DNAJC6: variants seen among roughly 807,000 people sequenced by gnomAD.
DNAJC6 encodes DnaJ heat shock protein family (Hsp40) member C6.
A neutral mutation model predicts 110.0 loss-of-function variants in DNAJC6; 34 were observed. That is an observed-to-expected ratio of 0.31 (90% CI 0.24 to 0.41). The LOEUF is 0.41. Ranked by LOEUF, DNAJC6 falls within the 10% of genes least tolerant of loss-of-function variation. The pLI is 1.00. For synonymous variants in DNAJC6, 406 were observed against 437.2 expected (o/e 0.93, Z 0.89); for missense variants, 1,031 against 1,207.8 (o/e 0.85, Z 2.17).
chr1:65,401,628 C>T (rs1646030745), intron 14 of DNAJC6, 133 bp from the exon 15 acceptor site: 1 of 1,264,994 alleles, frequency 7.9e-7, no homozygotes, highest in South Asian at 1.6e-5. Context: ...CAGGGTCTAG[C>T]AACTTCTTAG....
At chr1:65,338,005 G>A (rs922713270) in intron 1 of DNAJC6, among the ~76,000 whole-genome samples, 26 of 152,184 alleles carry the variant, frequency 1.7e-4, no homozygotes, top group Non-Finnish European at 1.0e-4. Context: ...GATGTTCCAG[G>A]CTCATCTTGT....
rs1297943839 is a variant in DNAJC6, at chr1:65,401,783, G to A, written c.2130G>A (p.Lys710=). Residue 710 remains lysine (K), a synonymous_variant, in exon 15 of 19, where the codon AAG becomes AAA. Coordinates refer to ENST00000371069, the MANE Select transcript of DNAJC6 (RefSeq NM_001256864.2). ...AKPGGFGMGS[K]SAATSPTGSS... is the part of the protein sequence containing the mutation. ...CAGGAGGCTTTGGAATGGGAAGCAA[G>A]TCAGCTGCCACCAGCCCAACCGGAT... 1.2e-6 allele frequency: 2 copies of A among 1,613,340 alleles called. No individual in the cohort carries two copies. The highest frequency in any genetic ancestry group is 2.7e-5 in the African/African-American group (2 of 74,812).
chr1:65,333,958 G>A (rs1242794843), intron 1 of DNAJC6, among the ~76,000 whole-genome samples: 1 of 152,110 alleles, frequency 6.6e-6, no homozygotes, highest in African/African-American at 2.4e-5. Context: ...TAACCATAAG[G>A]CTTCAGCCAT....
chr1:65,364,904 C>A, intron 2 of DNAJC6, 119 bp downstream of exon 2: 2 of 1,331,890 alleles, frequency 1.5e-6, no homozygotes, highest in East Asian at 2.3e-5. Context: ...TTTATGGGAT[C>A]TGATGAACTG....
At chr1:65,364,560 T>C in intron 1 of DNAJC6, 75 bp from the exon 2 acceptor site, 3 of 1,484,240 alleles carry the variant, frequency 2.0e-6, no homozygotes, top group Non-Finnish European at 1.8e-6. Context: ...GTTTTAAGAA[T>C]GAAGAGGGAT....
intron 15 of DNAJC6, among the ~76,000 whole-genome samples, chr1:65,402,122 C>A (rs1165459381): frequency 1.3e-5 from 2 of 152,180 alleles, no homozygotes; most frequent in Non-Finnish European, 1.5e-5. Context: ...GGATGTGTAG[C>A]ATGAATAAAG....
intron 1 of DNAJC6, among the ~76,000 whole-genome samples, chr1:65,358,741 T>G (rs1257210414): frequency 1.3e-5 from 2 of 152,254 alleles, no homozygotes. Flanking sequence ...TATGGCGTTA[T>G]TAGAGATATT....
intron 12 of DNAJC6, among the ~76,000 whole-genome samples, chr1:65,394,037 C>T (rs1298926201): frequency 6.6e-6 from 1 of 152,182 alleles, no homozygotes. Context: ...TCCTTCCATA[C>T]AGTTTTAACT....
At chr1:65,367,678 T>A (rs139338369) in intron 4 of DNAJC6, among the ~76,000 whole-genome samples, 183 of 152,298 alleles carry the variant, frequency 1.2e-3, no homozygotes, top group African/African-American at 4.2e-3. Context: ...TATAGAAGCA[T>A]TTATACATAT....
At chr1:65,287,657 A>G (rs1339248201) in intron 1 of DNAJC6, among the ~76,000 whole-genome samples, 1 of 152,132 alleles carries the variant, frequency 6.6e-6, no homozygotes, top group Non-Finnish European at 1.5e-5. Context: ...AATGGAGTAC[A>G]GTGGCGCACA....
intron 13 of DNAJC6, among the ~76,000 whole-genome samples, chr1:65,396,407 T>G (rs1049597580): frequency 9.9e-5 from 15 of 152,126 alleles, no homozygotes; most frequent in Admixed American, 7.2e-4. Flanking sequence ...CTCTGTATGC[T>G]CTAGCATCTC....
chr1:65,302,268 A>G (rs1482801735), intron 1 of DNAJC6, among the ~76,000 whole-genome samples: 13 of 19,850 alleles, frequency 6.5e-4, no homozygotes, highest in Non-Finnish European at 1.1e-3. Flanking sequence ...TATATATATT[A>G]TATATTATAT....
chr1:65,348,179 A>G (rs766706003), intron 1 of DNAJC6, among the ~76,000 whole-genome samples: 2 of 152,224 alleles, frequency 1.3e-5, no homozygotes, highest in African/African-American at 2.4e-5. Context: ...AAGCACTTCA[A>G]TGAATCTTAA....
rs75686825 is a variant in DNAJC6, at chr1:65,358,637, A to C, written c.194-5998A>C. ...TTTTCTTTTACAAAAGTAAGATTAC[A>C]CAGTGGATTATGTGTTGTAGCCTGC... On this transcript the variant is annotated intron_variant, in intron 1 of 18. Coordinates refer to ENST00000371069, the MANE Select transcript of DNAJC6 (RefSeq NM_001256864.2). Among the ~76,000 whole-genome samples the C allele has an allele frequency of 5.3e-3, 809 of 152,342 alleles. 4 individuals are homozygous for C. Among genetic ancestry groups the C allele is most frequent in the Non-Finnish European group, 6.9e-3 (471 of 68,038 alleles).
At chr1:65,343,872 A>G (rs1215742182) in intron 1 of DNAJC6, among the ~76,000 whole-genome samples, 1 of 152,206 alleles carries the variant, frequency 6.6e-6, no homozygotes, top group African/African-American at 2.4e-5. Context: ...TCAGACGGCA[A>G]ATGTTATGGC....
At position 65,392,819 on chromosome 1, in the gene DNAJC6, C is replaced by T. The variant is rs955527212; in HGVS notation, c.1857C>T (p.Arg619=). The T allele has an allele frequency of 1.3e-6, 2 of 1,562,212 alleles. No homozygotes were observed. Among genetic ancestry groups the T allele is most frequent in the Non-Finnish European group, 1.7e-6 (2 of 1,156,042 alleles). Residue 619 remains arginine (R), a synonymous_variant, in exon 12 of 19, where the codon CGC becomes CGT. Coordinates refer to ENST00000371069, the MANE Select transcript of DNAJC6 (RefSeq NM_001256864.2). ...GPASTQSTPR[R]SATSTSASPT... is the part of the protein sequence containing the mutation. ...CGTCTACCCAGTCAACACCACGCCGCTCTGCCACCTCCACCTCTGCGTCTC... is the reference window on the plus strand; with the variant it reads ...CGTCTACCCAGTCAACACCACGCCGTTCTGCCACCTCCACCTCTGCGTCTC...
chr1:65,393,700 C>T (rs1413361434), intron 12 of DNAJC6, among the ~76,000 whole-genome samples: 2 of 152,156 alleles, frequency 1.3e-5, no homozygotes, highest in Non-Finnish European at 2.9e-5. Flanking sequence ...TCCTGAAGAA[C>T]CCACTCAAAT....
At chr1:65,369,332 G>C (rs943771302) in intron 4 of DNAJC6, among the ~76,000 whole-genome samples, 1 of 152,088 alleles carries the variant, frequency 6.6e-6, no homozygotes, top group African/African-American at 2.4e-5. Flanking sequence ...CAAACTCCTA[G>C]ACCTTTCTTT....
chr1:65,309,426 G>A (rs1570258008), upstream of DNAJC6: 1 of 512,792 alleles, frequency 2.0e-6, no homozygotes, highest in Non-Finnish European at 2.6e-6. Flanking sequence ...CAGCCAGGAG[G>A]TGCTGGCCTG....
Sources: allele counts gnomAD v4.1 joint callset (sites outside exome capture counted in the v4.1 genomes callset), GRCh38; gene constraint gnomAD v4.1.1; transcripts MANE v1.5; gene names NCBI Gene and HGNC (gene_info 2026-07-23, HGNC 2026-07-21).